Variants in UPF2 observed in about 807,000 individuals in gnomAD.
UPF2 encodes UPF2 regulator of nonsense mediated mRNA decay.
In UPF2, 17 loss-of-function variants were observed where a neutral mutation model predicts 141.4. The ratio of observed to expected loss-of-function variants is 0.12; its 90% CI spans 0.08 to 0.18. UPF2 has a LOEUF of 0.18. Among genes scored for constraint, UPF2 ranks in the 10% least tolerant of loss-of-function variants. The pLI, the probability that UPF2 is intolerant of heterozygous loss-of-function variation, is 1.00. For missense variants in UPF2, 1,152 were observed against 1,515.9 expected (o/e 0.76, Z 3.99); for synonymous variants, 540 against 498.0 (o/e 1.08, Z -1.12).
intron 9 of UPF2, among the ~76,000 whole-genome samples, chr10:11,971,386 C>T (rs1833415187): frequency 6.6e-6 from 1 of 152,014 alleles, no homozygotes; most frequent in Non-Finnish European, 1.5e-5. Context: ...TCCCAAGTAG[C>T]TGGGATTAAA....
At position 11,983,836 on chromosome 10, in the gene UPF2, T is replaced by C. The variant is rs149858586; in HGVS notation, c.1845-4671A>G. ...ATGAAATAACACGTTTTCTATGCTCTGGAACAAGCGATATTATTTCTTCCT... is the reference window on the plus strand; with the variant it reads ...ATGAAATAACACGTTTTCTATGCTCCGGAACAAGCGATATTATTTCTTCCT... On this transcript the variant is annotated intron_variant, in intron 8 of 21. Transcript: ENST00000357604. Among the ~76,000 whole-genome samples the C allele has an allele frequency of 1.4e-4, 21 of 152,342 alleles. No individual in the cohort carries two copies. The East Asian group carries it at 4.0e-3, about 29-fold the overall frequency.
At chr10:11,977,969 A>C (rs1833533398) in intron 9 of UPF2, among the ~76,000 whole-genome samples, 1 of 152,102 alleles carries the variant, frequency 6.6e-6, no homozygotes, top group Non-Finnish European at 1.5e-5. Context: ...CTTAACCACA[A>C]ATCTCATAAT....
chr10:12,020,888 CTTTGTATGTTACA>C (rs1049282742), intron 3 of UPF2, among the ~76,000 whole-genome samples: 7 of 152,194 alleles, frequency 4.6e-5, no homozygotes, highest in Admixed American at 4.6e-4. Flanking sequence ...TAATTATCCA[CTTTGTATGTTACA>C]GTGAAGTTAA....
intron 10 of UPF2, among the ~76,000 whole-genome samples, chr10:11,966,232 T>C (rs1444857806): frequency 6.6e-6 from 1 of 152,198 alleles, no homozygotes; most frequent in Non-Finnish European, 1.5e-5. Flanking sequence ...ACTTACTTAT[T>C]CTGTCTGCCT....
chr10:11,949,815 G>A (rs1833050747), intron 15 of UPF2, among the ~76,000 whole-genome samples: 1 of 152,096 alleles, frequency 6.6e-6, no homozygotes, highest in African/African-American at 2.4e-5. Flanking sequence ...ATAAAAATCT[G>A]AGCCAGTAAT....
chr10:11,966,615 G>C (rs947669847), intron 10 of UPF2, among the ~76,000 whole-genome samples: 1 of 152,132 alleles, frequency 6.6e-6, no homozygotes, highest in African/African-American at 2.4e-5. Flanking sequence ...GTAGAGACGG[G>C]GTTTCTCCAT....
At chr10:11,995,512 C>T (rs767228763) in intron 8 of UPF2, among the ~76,000 whole-genome samples, 1 of 152,054 alleles carries the variant, frequency 6.6e-6, no homozygotes, top group East Asian at 1.9e-4. Flanking sequence ...TTGGCTGGCG[C>T]GGTGGCTCAC....
intron 8 of UPF2, among the ~76,000 whole-genome samples, chr10:11,995,783 A>C (rs919795049): frequency 1.5e-5 from 2 of 135,924 alleles, no homozygotes; most frequent in Non-Finnish European, 3.5e-5. Context: ...CTCTGTATCA[A>C]AAAAAAAGAG....
chr10:11,961,316 G>A (rs184517528), intron 11 of UPF2, among the ~76,000 whole-genome samples: 1 of 151,988 alleles, frequency 6.6e-6, no homozygotes, highest in South Asian at 2.1e-4. Flanking sequence ...AAACAACAGA[G>A]AACCTACTTC....
chr10:11,951,361 C>T (rs1833072452), intron 15 of UPF2, among the ~76,000 whole-genome samples: 1 of 152,110 alleles, frequency 6.6e-6, no homozygotes, highest in South Asian at 2.1e-4. Context: ...CCACACCTGG[C>T]CAAAACGTGT....
At chr10:12,011,669 G>A (rs1037013181) in intron 4 of UPF2, among the ~76,000 whole-genome samples, 1 of 151,812 alleles carries the variant, frequency 6.6e-6, no homozygotes, top group Non-Finnish European at 1.5e-5. Flanking sequence ...GTCATGACAG[G>A]GCGCAGTGGC....
At chr10:12,003,381 G>A (rs1453058200) in intron 5 of UPF2, among the ~76,000 whole-genome samples, 2 of 152,174 alleles carry the variant, frequency 1.3e-5, no homozygotes, top group African/African-American at 2.4e-5. Flanking sequence ...GCATAAGGTA[G>A]TCAAATAGGG....
At chr10:12,027,560 C>G (rs941119973) in intron 3 of UPF2, among the ~76,000 whole-genome samples, 2 of 152,202 alleles carry the variant, frequency 1.3e-5, no homozygotes, top group African/African-American at 4.8e-5. Context: ...TACAAGTACA[C>G]TCTCAGGTTG....
rs1050122028 is a variant in UPF2, at chr10:11,935,239, A to G, written c.3546+1306T>C. On this transcript the variant is annotated intron_variant, in intron 19 of 21. Coordinates refer to ENST00000357604, the MANE Select transcript of UPF2 (RefSeq NM_015542.4). This position sits in a 1 kb window ranked among gnomAD's most constrained non-coding sequence, Gnocchi z 4.9. ...TTTATCCTCCTTGGTAGCCATCCCA[A>G]CGTGACTTGGTGTATTTCTCATATG... is the stretch of plus-strand genomic sequence containing the variant. Among the ~76,000 whole-genome samples, 6 of 152,072 alleles carry G rather than the reference A, an allele frequency of 3.9e-5. No homozygotes were observed. The highest frequency in any genetic ancestry group is 8.8e-5 in the Non-Finnish European group (6 of 68,008).
In UPF2 at chr10:11,992,087, T is replaced by A. The variant is rs1292432290; in HGVS notation, c.1844+5585A>T. ...CTTGAACTGGAGGCAGAGGTTGCAG[T>A]GAGCCAAGATCGCGCCACTGCACTC... On this transcript the variant is annotated intron_variant, in intron 8 of 21. Transcript: ENST00000357604. The surrounding 1 kb of genome is among the most constrained non-coding windows in gnomAD (Gnocchi z 4.1). Among the ~76,000 whole-genome samples, 1 of 151,856 alleles carries A rather than the reference T, an allele frequency of 6.6e-6. No individual in the cohort carries two copies. The highest frequency in any genetic ancestry group is 1.9e-4 in the East Asian group (1 of 5,192).
intron 10 of UPF2, among the ~76,000 whole-genome samples, chr10:11,966,308 A>C (rs1231827283): frequency 1.3e-5 from 2 of 152,210 alleles, no homozygotes; most frequent in Non-Finnish European, 2.9e-5. Context: ...TTACTCTGTT[A>C]CTTGACAATT....
intron 12 of UPF2, among the ~76,000 whole-genome samples, chr10:11,957,455 G>A (rs902506908): frequency 2.6e-5 from 4 of 151,318 alleles, no homozygotes; most frequent in African/African-American, 9.7e-5. Flanking sequence ...AAAAACCCAA[G>A]GTTTATGAAA....
chr10:11,962,433 T>C (rs1388857913), intron 11 of UPF2, among the ~76,000 whole-genome samples: 1 of 152,190 alleles, frequency 6.6e-6, no homozygotes, highest in Non-Finnish European at 1.5e-5. Context: ...CTTAGGGTAC[T>C]TCCTGCTTCC....
At chr10:12,007,834 GTAATAATAATAATAATAA>G (rs140872031) in intron 4 of UPF2, among the ~76,000 whole-genome samples, 8 of 134,564 alleles carry the variant, frequency 5.9e-5, no homozygotes, top group Non-Finnish European at 1.1e-4. Flanking sequence ...CCGTCTCAAA[GTAATAATAATAATAATAA>G]TAATAATAAT....
Sources: gnomAD v4.1 joint callset for allele counts (sites outside exome capture counted in the v4.1 genomes callset) on GRCh38, gnomAD v4.1.1 for gene constraint, Gnocchi (gnomAD v3.1) non-coding constraint, MANE v1.5 for transcripts, NCBI Gene and HGNC (gene_info 2026-07-23, HGNC 2026-07-21) for gene names.